The following PCDHA1 variants were observed in gnomAD, a reference collection of about 807,000 sequenced individuals.
PCDHA1 encodes protocadherin alpha 1, also known as protocadherin alpha-1.
A neutral mutation model predicts 61.3 loss-of-function variants in PCDHA1; 42 were observed. The observed-to-expected ratio is 0.69, with a 90% CI of 0.54 to 0.89. PCDHA1 has a LOEUF of 0.89. Among genes scored for constraint, PCDHA1 ranks in the 40% least tolerant of loss-of-function variants. The pLI is 0.00. For missense variants in PCDHA1, 1,256 were observed against 1,235.3 expected (o/e 1.02, Z -0.25); for synonymous variants, 610 against 553.8 (o/e 1.10, Z -1.43).
intron 1 of PCDHA1, chr5:140,836,574 G>A (rs2150264470): frequency 1.9e-6 from 3 of 1,613,706 alleles, no homozygotes; most frequent in East Asian, 4.5e-5. Flanking sequence ...CTCTGAGGGC[G>A]CATGTAGTTT....
intron 1 of PCDHA1, among the ~76,000 whole-genome samples, chr5:140,951,315 C>T (rs782114634): frequency 6.6e-6 from 1 of 151,988 alleles, no homozygotes. Context: ...ATGTGTTATT[C>T]TTGAGATTCA....
intron 1 of PCDHA1, chr5:140,796,214 G>A (rs376783132): frequency 3.1e-6 from 5 of 1,614,220 alleles, no homozygotes; most frequent in Non-Finnish European, 4.2e-6. Context: ...GACCGCGAGA[G>A]CGTGTCAGCC....
In PCDHA1 at chr5:140,852,432, C is replaced by A. The variant is rs185141585; in HGVS notation, c.2394+63748C>A. ...AGCTGGGATTATAGGCACATGCCAC[C>A]GCGCCCAGCTAATTTTTGTATTTTT... On this transcript the variant is annotated intron_variant, in intron 1 of 3. Transcript: ENST00000504120. 4.7e-3 allele frequency: 847 copies of A among 180,880 alleles called. 56 individuals are homozygous for A. Among genetic ancestry groups the A allele is most frequent in the South Asian group, 0.036 (183 of 5,090 alleles). 11.2% of individuals were successfully genotyped at this position (180,880 alleles called of 1,614,324 possible).
chr5:140,991,066 C>T (rs2097429810), intron 3 of PCDHA1, among the ~76,000 whole-genome samples: 2 of 152,122 alleles, frequency 1.3e-5, no homozygotes, highest in Non-Finnish European at 2.9e-5. Context: ...TTATTATTCC[C>T]ATGTTTCAGA....
intron 1 of PCDHA1, chr5:140,882,915 A>T: frequency 6.2e-7 from 1 of 1,614,228 alleles, no homozygotes; most frequent in Non-Finnish European, 8.5e-7. Context: ...ACAGCCAGTG[A>T]TGGAGGTAAA....
intron 1 of PCDHA1, chr5:140,860,444 T>C (rs1311147382): frequency 6.6e-6 from 1 of 152,156 alleles, no homozygotes; most frequent in South Asian, 2.1e-4. Flanking sequence ...CTTTTTCATA[T>C]TAATTCACGT....
At chr5:140,944,197 T>C (rs1404957342) in intron 1 of PCDHA1, among the ~76,000 whole-genome samples, 2 of 152,120 alleles carry the variant, frequency 1.3e-5, no homozygotes, top group Non-Finnish European at 2.9e-5. Context: ...TTTTGTTTTG[T>C]TTTGTTTTTA....
chr5:140,937,916 A>T (rs903757303), intron 1 of PCDHA1, among the ~76,000 whole-genome samples: 37 of 152,106 alleles, frequency 2.4e-4, no homozygotes, highest in Non-Finnish European at 1.8e-4. Flanking sequence ...CGTCTCAAAA[A>T]AAAAAAAAAA....
At chr5:140,867,661 C>A (rs940517637) in intron 1 of PCDHA1, 30 of 152,196 alleles carry the variant, frequency 2.0e-4, no homozygotes, top group African/African-American at 6.7e-4. Flanking sequence ...AAATCACTTT[C>A]TACTCTAAAA....
At chr5:140,858,195 A>G in intron 1 of PCDHA1, 1 of 1,597,156 alleles carries the variant, frequency 6.3e-7, no homozygotes, top group East Asian at 2.2e-5. Flanking sequence ...CTGCTGCTGT[A>G]CACTGCACTG....
intron 1 of PCDHA1, among the ~76,000 whole-genome samples, chr5:140,921,801 A>T (rs1450383901): frequency 6.6e-6 from 1 of 152,286 alleles, no homozygotes. Context: ...ATAACACAAG[A>T]TAAGATACAT....
chr5:140,801,944 C>T (rs782586334), intron 1 of PCDHA1: 1 of 1,614,178 alleles, frequency 6.2e-7, no homozygotes, highest in South Asian at 1.1e-5. Context: ...TCTATAAAGT[C>T]AGATTACTCG....
chr5:140,842,875 C>A (rs2150347019), intron 1 of PCDHA1: 1 of 1,593,980 alleles, frequency 6.3e-7, no homozygotes, highest in Non-Finnish European at 8.6e-7. Flanking sequence ...GCAAGGTGTA[C>A]GCGCTGCAGC....
At chr5:140,796,705 G>C in intron 1 of PCDHA1, 1 of 1,614,010 alleles carries the variant, frequency 6.2e-7, no homozygotes, top group Non-Finnish European at 8.5e-7. Flanking sequence ...GAGTGAGCTG[G>C]TGCCGTGGTC....
chr5:140,907,914 T>A (rs2073690399), intron 1 of PCDHA1, among the ~76,000 whole-genome samples: 4 of 152,242 alleles, frequency 2.6e-5, no homozygotes, highest in Admixed American at 1.3e-4. Context: ...TTTTGACCAC[T>A]CAGAGAGGTC....
intron 1 of PCDHA1, among the ~76,000 whole-genome samples, chr5:140,920,418 G>C (rs1355987486): frequency 6.6e-6 from 1 of 151,868 alleles, no homozygotes; most frequent in Non-Finnish European, 1.5e-5. Flanking sequence ...AGATACAGCT[G>C]TTCTCCCACA....
At chr5:140,995,608 C>G (rs543938511) in intron 3 of PCDHA1, among the ~76,000 whole-genome samples, 1 of 152,206 alleles carries the variant, frequency 6.6e-6, no homozygotes, top group East Asian at 1.9e-4. Flanking sequence ...TTTCTTCTCC[C>G]AAACCAAATA....
chr5:140,906,804 C>T (rs1254520665), intron 1 of PCDHA1, among the ~76,000 whole-genome samples: 3 of 152,224 alleles, frequency 2.0e-5, no homozygotes, highest in Non-Finnish European at 4.4e-5. Context: ...CATACTCTTC[C>T]TTACCTCCAC....
At position 140,868,867 on chromosome 5, in the gene PCDHA1, G is replaced by A. The variant is rs532271305; in HGVS notation, c.2394+80183G>A. ...GAAATTCTGTGGTGGTAAATGCAGT[G>A]CACAGTACTCACAGTTTTAGGCGCA... On this transcript the variant is annotated intron_variant, in intron 1 of 3. Coordinates refer to ENST00000504120, the MANE Select transcript of PCDHA1 (RefSeq NM_018900.4). The A allele has an allele frequency of 2.8e-4, 173 of 611,220 alleles. 1 individual carries two copies. In the South Asian group the frequency reaches 3.9e-3, roughly 14 times the overall value. 37.9% of individuals were successfully genotyped at this position (611,220 alleles called of 1,614,324 possible).
Sources: gnomAD v4.1 joint callset for allele counts (sites outside exome capture counted in the v4.1 genomes callset) on GRCh38, gnomAD v4.1.1 for gene constraint, MANE v1.5 for transcripts, NCBI Gene and HGNC (gene_info 2026-07-23, HGNC 2026-07-21) for gene names.